The following LNX1 variants were observed in gnomAD, a reference collection of about 807,000 sequenced individuals.
The protein encoded by LNX1 is ligand of numb-protein X 1.
Under a neutral mutation model 68.4 loss-of-function variants are expected in LNX1, and 54 were observed. The observed-to-expected ratio is 0.79, with a 90% CI of 0.63 to 0.99. LNX1 has a LOEUF of 0.99. Ranked by LOEUF, LNX1 falls within the 50% of genes least tolerant of loss-of-function variation. The pLI is 0.00. For missense variants in LNX1, 906 were observed against 926.4 expected (o/e 0.98, Z 0.29); for synonymous variants, 336 against 350.0 (o/e 0.96, Z 0.45).
At position 53,504,217 on chromosome 4, in the gene LNX1, CTACAATCAGCATTTGCTGCTTCGT is replaced by C. The variant is rs1725711358; in HGVS notation, c.775+3076_775+3099del. ...TCTTCTGGAAAACCTGCTGCAGCTTCTACAATCAGCATTTGCTGCTTCGTTACAATCAGCATCTGCTGCTTCGCT... is the reference window on the plus strand; with the variant it reads ...TCTTCTGGAAAACCTGCTGCAGCTTCTACAATCAGCATCTGCTGCTTCGCT... On this transcript the variant is annotated intron_variant, in intron 4 of 10. Transcript: ENST00000263925. Among the ~76,000 whole-genome samples, 3 of 152,354 alleles carry C rather than the reference CTACAATCAGCATTTGCTGCTTCGT, an allele frequency of 2.0e-5. No individual in the cohort carries two copies. In the South Asian group the frequency reaches 6.2e-4, roughly 32 times the overall value.
At chr4:53,488,882 C>A (rs1459225689) in intron 6 of LNX1, among the ~76,000 whole-genome samples, 8 of 152,076 alleles carry the variant, frequency 5.3e-5, no homozygotes. Context: ...TATTTCACAA[C>A]AAGGTTTGGA....
chr4:53,593,619 T>G (rs1257727579), upstream of LNX1, among the ~76,000 whole-genome samples: 1 of 152,066 alleles, frequency 6.6e-6, no homozygotes, highest in African/African-American at 2.4e-5. Context: ...AGATCTTTCT[T>G]GGTACTCCTG....
upstream of LNX1, chr4:53,591,603 C>T (rs1485335673): frequency 1.0e-6 from 1 of 985,140 alleles, no homozygotes; most frequent in Non-Finnish European, 1.2e-6. Flanking sequence ...TTGCTGAGAC[C>T]TTAGGGATTG....
intron 4 of LNX1, among the ~76,000 whole-genome samples, chr4:53,506,972 G>C (rs974813610): frequency 6.6e-6 from 1 of 151,484 alleles, no homozygotes; most frequent in African/African-American, 2.4e-5. Flanking sequence ...GTAGTTGAAA[G>C]AGTAAGGAGA....
At chr4:53,548,217 T>A (rs1030034454) in intron 2 of LNX1, among the ~76,000 whole-genome samples, 3 of 152,182 alleles carry the variant, frequency 2.0e-5, no homozygotes, top group African/African-American at 7.2e-5. Context: ...AGTAGACCAT[T>A]TCCTGCCCCA....
intron 2 of LNX1, among the ~76,000 whole-genome samples, chr4:53,554,069 G>A (rs1489365795): frequency 6.6e-6 from 1 of 152,206 alleles, no homozygotes; most frequent in African/African-American, 2.4e-5. Flanking sequence ...GACGGATGAC[G>A]TCCTTTCTTT....
At chr4:53,551,520 A>C (rs2109700369) in intron 2 of LNX1, among the ~76,000 whole-genome samples, 1 of 152,300 alleles carries the variant, frequency 6.6e-6, no homozygotes, top group East Asian at 1.9e-4. Flanking sequence ...GATAAGGAGA[A>C]AAAGCCCTCA....
At chr4:53,639,305 G>A (rs1024405762) in intron 1 of LNX1, among the ~76,000 whole-genome samples, 2 of 152,072 alleles carry the variant, frequency 1.3e-5, no homozygotes, top group South Asian at 2.1e-4. Flanking sequence ...CATAAAGATG[G>A]CAACAATAGG....
chr4:53,647,378 C>T (rs968801391), intron 1 of LNX1, among the ~76,000 whole-genome samples: 3 of 152,048 alleles, frequency 2.0e-5, no homozygotes, highest in African/African-American at 7.3e-5. Context: ...GAAGCAATCT[C>T]TCTCTCTCTT....
chr4:53,571,913 A>T lies in LNX1; in HGVS notation c.380+1710T>A, dbSNP rs148576207. Among the ~76,000 whole-genome samples, 892 of 152,122 alleles carry T rather than the reference A, an allele frequency of 5.9e-3. 6 individuals are homozygous for T. Among genetic ancestry groups the T allele is most frequent in the African/African-American group, 0.02 (841 of 41,528 alleles). ...TGGGCTCAAGTGATCCTCCTGCCTC[A>T]GCCTCCCAAAATGCTGGGATTACAG... On this transcript the variant is annotated intron_variant, in intron 2 of 10. Coordinates refer to ENST00000263925, the MANE Select transcript of LNX1 (RefSeq NM_001126328.3).
At chr4:53,589,869 A>G (rs1019963543) in intron 1 of LNX1, among the ~76,000 whole-genome samples, 4 of 152,364 alleles carry the variant, frequency 2.6e-5, no homozygotes, top group African/African-American at 9.6e-5. Context: ...CAGTGTCTAC[A>G]GCTTTGTTCC....
chr4:53,583,481 G>A (rs1336047520), intron 1 of LNX1, among the ~76,000 whole-genome samples: 1 of 152,010 alleles, frequency 6.6e-6, no homozygotes, highest in Admixed American at 6.6e-5. Context: ...CTCGAAGAGG[G>A]ACTAAGCCAC....
chr4:53,481,570 A>C, intron 7 of LNX1, 150 bp downstream of exon 7: 1 of 893,026 alleles, frequency 1.1e-6, no homozygotes, highest in Non-Finnish European at 1.6e-6. Context: ...TCCAAGTCTT[A>C]AATATGGGAC....
At chr4:53,600,230 T>C (rs1370319095) in intron 2 of LNX1, among the ~76,000 whole-genome samples, 2 of 152,164 alleles carry the variant, frequency 1.3e-5, no homozygotes, top group African/African-American at 4.8e-5. Context: ...AGAGCCCAAA[T>C]TCTTCAAACT....
intron 1 of LNX1, among the ~76,000 whole-genome samples, chr4:53,634,826 T>A (rs186827018): frequency 2.3e-4 from 35 of 151,850 alleles, no homozygotes; most frequent in Middle Eastern, 6.8e-3. Context: ...TTTTCTTTTT[T>A]AATTTTTTAT....
intron 2 of LNX1, among the ~76,000 whole-genome samples, chr4:53,565,801 A>C (rs1490633800): frequency 6.6e-6 from 1 of 151,056 alleles, no homozygotes; most frequent in African/African-American, 2.4e-5. Context: ...AGAAGTGCTT[A>C]AAGGAGCTGA....
intron 2 of LNX1, among the ~76,000 whole-genome samples, chr4:53,534,999 G>GAA (rs1728269345): frequency 6.6e-6 from 1 of 152,210 alleles, no homozygotes; most frequent in South Asian, 2.1e-4. Flanking sequence ...CTGTTGAGAT[G>GAA]AAAATGTTTT....
intron 2 of LNX1, among the ~76,000 whole-genome samples, chr4:53,526,949 T>C (rs1398404581): frequency 6.6e-6 from 1 of 151,142 alleles, no homozygotes; most frequent in Admixed American, 6.6e-5. Flanking sequence ...ACAATCATTA[T>C]GCTAAAGCAA....
chr4:53,600,570 GAGA>G (rs1475989075), intron 2 of LNX1, among the ~76,000 whole-genome samples: 1 of 152,034 alleles, frequency 6.6e-6, no homozygotes, highest in Admixed American at 6.5e-5. Flanking sequence ...TATTACCAGA[GAGA>G]AGGACTCTCA....
Sources: allele counts gnomAD v4.1 joint callset (sites outside exome capture counted in the v4.1 genomes callset), GRCh38; gene constraint gnomAD v4.1.1; transcripts MANE v1.5; gene names NCBI Gene and HGNC (gene_info 2026-07-23, HGNC 2026-07-21).